The following C6orf89 variants were observed in gnomAD, a reference collection of about 807,000 sequenced individuals.
C6orf89 encodes chromosome 6 open reading frame 89, also known as bombesin receptor-activated protein C6orf89.
A neutral mutation model predicts 40.7 loss-of-function variants in C6orf89; 29 were observed. That is an observed-to-expected ratio of 0.71 (90% CI 0.53 to 0.97). The LOEUF (loss-of-function observed/expected upper bound fraction) is 0.97. C6orf89 is among the 50% of genes least tolerant of loss of function. C6orf89 has a pLI of 0.00. For synonymous variants in C6orf89, 165 were observed against 152.2 expected (o/e 1.08, Z -0.62); for missense variants, 392 against 429.1 (o/e 0.91, Z 0.76).
chr6:36,912,897 T>C (rs1413233995), intron 4 of C6orf89, among the ~76,000 whole-genome samples: 4 of 152,166 alleles, frequency 2.6e-5, no homozygotes, highest in Non-Finnish European at 5.9e-5. Context: ...TGTTTTGTGG[T>C]TAAGAGTCAG....
At chr6:36,922,958 G>A (rs1762561387) in intron 8 of C6orf89, among the ~76,000 whole-genome samples, 1 of 152,110 alleles carries the variant, frequency 6.6e-6, no homozygotes, top group Admixed American at 6.5e-5. Context: ...CTGGGTGAGG[G>A]GTGGTGATAA....
intron 1 of C6orf89, chr6:36,872,045 C>T (rs927550041): frequency 7.2e-6 from 4 of 555,038 alleles, no homozygotes; most frequent in Non-Finnish European, 1.2e-5. Context: ...AACATAAACA[C>T]CCATTATCTT....
intron 1 of C6orf89, chr6:36,875,170 C>A: frequency 4.3e-6 from 1 of 233,482 alleles, no homozygotes; most frequent in Non-Finnish European, 8.5e-6. Flanking sequence ...GAAGGGGAGG[C>A]AGAGAATGAA....
At chr6:36,899,657 A>ATG in intron 3 of C6orf89, 24 bp downstream of exon 3, 1 of 1,604,412 alleles carries the variant, frequency 6.2e-7, no homozygotes, top group South Asian at 1.1e-5. Flanking sequence ...TGAGTTGGTA[A>ATG]TTGCTTCAAC....
intron 1 of C6orf89, among the ~76,000 whole-genome samples, chr6:36,892,473 C>G (rs34405617): frequency 0.071 from 10,815 of 152,240 alleles, 396 homozygotes; most frequent in South Asian, 0.099. Context: ...TCCCGAGTAG[C>G]TGGAACTATA....
chr6:36,880,438 A>T (rs1774777199), intron 2 of C6orf89, among the ~76,000 whole-genome samples: 1 of 152,220 alleles, frequency 6.6e-6, no homozygotes, highest in African/African-American at 2.4e-5. Flanking sequence ...TTATATATGT[A>T]TTGTGTGTAA....
intron 7 of C6orf89, among the ~76,000 whole-genome samples, chr6:36,917,985 G>A (rs921361899): frequency 7.2e-5 from 11 of 152,206 alleles, no homozygotes; most frequent in Non-Finnish European, 1.3e-4. Flanking sequence ...CAAAACTCTT[G>A]AGAACCCAGT....
At chr6:36,885,219 A>T (rs1212083404), upstream of C6orf89, among the ~76,000 whole-genome samples, 1 of 152,232 alleles carries the variant, frequency 6.6e-6, no homozygotes, top group Non-Finnish European at 1.5e-5. Context: ...GGCCAATCCC[A>T]GCGGCCATAC....
chr6:36,910,443 ATTG>A (rs752145784), intron 4 of C6orf89, among the ~76,000 whole-genome samples: 10 of 152,032 alleles, frequency 6.6e-5, no homozygotes, highest in Non-Finnish European at 1.5e-4. Context: ...TTTATCCTTT[ATTG>A]GCCAGGCATG....
chr6:36,881,503 T>A (rs987412119), upstream of C6orf89, among the ~76,000 whole-genome samples: 29 of 152,016 alleles, frequency 1.9e-4, no homozygotes, highest in African/African-American at 6.5e-4. Flanking sequence ...TGAAATGCCG[T>A]TTCTACTAAA....
intron 7 of C6orf89, among the ~76,000 whole-genome samples, chr6:36,917,452 GT>G (rs1234926103): frequency 6.6e-6 from 1 of 152,160 alleles, no homozygotes; most frequent in African/African-American, 2.4e-5. Flanking sequence ...CTTTTGTTGA[GT>G]CTCATTCCTA....
chr6:36,902,583 G>A lies in C6orf89; in HGVS notation c.403+149G>A, dbSNP rs145986051. On this transcript the variant is annotated intron_variant, in intron 4 of 8. Coordinates refer to ENST00000480824, the MANE Select transcript of C6orf89 (RefSeq NM_001286635.2). ...TCCCCACTAAAACTCTATGAGATGG[G>A]GTTTATTATCCCCGTTTCACAGATT... 3.2e-4 allele frequency: 224 copies of A among 701,832 alleles called. 2 individuals are homozygous for A. In the East Asian group the frequency reaches 6.1e-3, roughly 19 times the overall value. The allele number at this position is 701,832 out of a possible 1,614,324, so 43.5% of individuals were successfully genotyped here.
rs79794954 is a variant in C6orf89, at chr6:36,919,108, T to G, written c.826-470T>G. Among the ~76,000 whole-genome samples the G allele has an allele frequency of 6.8e-4, 104 of 152,332 alleles. 3 individuals carry two copies. In the East Asian group the frequency reaches 0.018, roughly 26 times the overall value. On this transcript the variant is annotated intron_variant, in intron 7 of 8. Transcript: ENST00000480824. ...GCCCAAAGGATATGCTGATTATCTA[T>G]TTATCTAAAAAGTTTTCATCAAACC...
In C6orf89 at chr6:36,914,534, T is replaced by C; in HGVS notation, c.556-20T>C. On this transcript the variant is annotated intron_variant, in intron 5 of 8. Coordinates refer to ENST00000480824, the MANE Select transcript of C6orf89 (RefSeq NM_001286635.2). ...ACAAGTAACTCTGTGTTGTTTTGTTTTGTTTCCTGCCTTGCCAAGACGGGA... is the reference window on the plus strand; with the variant it reads ...ACAAGTAACTCTGTGTTGTTTTGTTCTGTTTCCTGCCTTGCCAAGACGGGA... 1.9e-6 allele frequency: 3 copies of C among 1,613,592 alleles called. No individual in the cohort carries two copies. The highest frequency in any genetic ancestry group is 1.7e-6 in the Non-Finnish European group (2 of 1,179,484).
At chr6:36,912,636 G>A (rs1270517805) in intron 4 of C6orf89, among the ~76,000 whole-genome samples, 1 of 152,208 alleles carries the variant, frequency 6.6e-6, no homozygotes, top group Non-Finnish European at 1.5e-5. Context: ...TGTGGGAGGA[G>A]AGGCGCCCTC....
rs1762246918 is a variant in C6orf89 at position 36,914,575 on chromosome 6, G to A, written c.577G>A (p.Glu193Lys). The A allele has an allele frequency of 4.3e-6, 7 of 1,614,148 alleles. No individual in the cohort carries two copies. The highest frequency in any genetic ancestry group is 5.9e-6 in the Non-Finnish European group (7 of 1,179,948). Residue 193 changes from glutamate (E) to lysine (K), a missense_variant, in exon 6 of 9, where the codon GAA (glutamate) becomes AAA (lysine). By Grantham distance (56) the Glu-to-Lys change is moderately conservative (BLOSUM62 1). Coordinates refer to ENST00000480824, the MANE Select transcript of C6orf89 (RefSeq NM_001286635.2). ...VIKTGKPLLE[E>K]EIQHFLCQYP... Reference sequence around the variant, plus strand: ...CAAGACGGGAAAGCCCCTGTTGGAGGAAGAGATTCAGCATTTTTTGTGCCA... The same window carrying A: ...CAAGACGGGAAAGCCCCTGTTGGAGAAAGAGATTCAGCATTTTTTGTGCCA...
intron 4 of C6orf89, among the ~76,000 whole-genome samples, chr6:36,903,085 G>A (rs965561197): frequency 6.6e-6 from 1 of 152,140 alleles, no homozygotes; most frequent in Non-Finnish European, 1.5e-5. Context: ...TGTAATAAGA[G>A]TTGAAATTTA....
chr6:36,899,351 C>G, intron 2 of C6orf89, 75 bp from the exon 3 acceptor site: 1 of 1,369,142 alleles, frequency 7.3e-7, no homozygotes, highest in Non-Finnish European at 1.0e-6. Context: ...TACAGATGGT[C>G]AAGTAGCTTT....
intron 4 of C6orf89, among the ~76,000 whole-genome samples, chr6:36,902,750 T>C (rs1482676998): frequency 1.3e-5 from 2 of 152,220 alleles, no homozygotes; most frequent in Non-Finnish European, 2.9e-5. Context: ...ATCTCATCCT[T>C]TTCTCTCCTG....
Sources: gnomAD v4.1 joint callset for allele counts (sites outside exome capture counted in the v4.1 genomes callset) on GRCh38, gnomAD v4.1.1 for gene constraint, MANE v1.5 for transcripts, NCBI Gene and HGNC (gene_info 2026-07-23, HGNC 2026-07-21) for gene names.